EXOC6B: variants seen among roughly 807,000 people sequenced by gnomAD.
EXOC6B encodes the protein exocyst complex component 6B.
Under a neutral mutation model 113.5 loss-of-function variants are expected in EXOC6B, and 54 were observed. That is an observed-to-expected ratio of 0.48 (90% CI 0.38 to 0.60). The LOEUF is 0.60. EXOC6B is among the 20% of genes least tolerant of loss of function. The probability of loss-of-function intolerance (pLI) is 0.00; values close to 1 mark genes in which losing one functional copy is unlikely to be tolerated. For synonymous variants in EXOC6B, 357 were observed against 339.0 expected (o/e 1.05, Z -0.58); for missense variants, 797 against 977.5 (o/e 0.82, Z 2.46).
intron 17 of EXOC6B, among the ~76,000 whole-genome samples, chr2:72,477,657 T>C (rs549185478): frequency 6.6e-6 from 1 of 152,354 alleles, no homozygotes; most frequent in East Asian, 1.9e-4. Context: ...CAATGTACAG[T>C]ATTTATGATG....
At chr2:72,517,192 A>G (rs1701257705) in intron 8 of EXOC6B, among the ~76,000 whole-genome samples, 1 of 152,232 alleles carries the variant, frequency 6.6e-6, no homozygotes, top group Non-Finnish European at 1.5e-5. Flanking sequence ...TAAACAAGAC[A>G]TAAACAAGTA....
At chr2:72,480,161 A>C (rs1423705762) in intron 17 of EXOC6B, among the ~76,000 whole-genome samples, 1 of 151,816 alleles carries the variant, frequency 6.6e-6, no homozygotes, top group African/African-American at 2.4e-5. Flanking sequence ...CCAAGATTGC[A>C]CCACTGCACT....
At chr2:72,378,229 T>G (rs6731631) in intron 19 of EXOC6B, among the ~76,000 whole-genome samples, 1 of 152,042 alleles carries the variant, frequency 6.6e-6, no homozygotes, top group Non-Finnish European at 1.5e-5. Context: ...AGACTCAAGG[T>G]CTCTCCAGTG....
At chr2:72,430,139 C>T (rs1695434322) in intron 18 of EXOC6B, among the ~76,000 whole-genome samples, 1 of 152,286 alleles carries the variant, frequency 6.6e-6, no homozygotes, top group East Asian at 1.9e-4. Flanking sequence ...TCTGAGAAGA[C>T]TACATCTTTT....
At chr2:72,223,393 T>C (rs559330763) in intron 20 of EXOC6B, among the ~76,000 whole-genome samples, 31 of 152,228 alleles carry the variant, frequency 2.0e-4, no homozygotes, top group African/African-American at 7.0e-4. Context: ...TATGAAACCA[T>C]TTCAGGCTCT....
At chr2:72,720,413 A>G (rs1679917891) in intron 5 of EXOC6B, among the ~76,000 whole-genome samples, 1 of 152,140 alleles carries the variant, frequency 6.6e-6, no homozygotes, top group Non-Finnish European at 1.5e-5. Context: ...AGATACAAAT[A>G]GGTTGAAAGT....
At chr2:72,200,242 T>C (rs942429856) in intron 20 of EXOC6B, among the ~76,000 whole-genome samples, 2 of 152,228 alleles carry the variant, frequency 1.3e-5, no homozygotes, top group Non-Finnish European at 2.9e-5. Flanking sequence ...AGACCAGTAC[T>C]GTAGCCCTGG....
chr2:72,356,372 AC>A (rs999579598), intron 19 of EXOC6B, among the ~76,000 whole-genome samples: 9 of 152,106 alleles, frequency 5.9e-5, no homozygotes, highest in African/African-American at 2.2e-4. Flanking sequence ...TTCCTGTGAA[AC>A]CAACATTATC....
intron 6 of EXOC6B, among the ~76,000 whole-genome samples, chr2:72,631,455 TATATATAGAGAGAGAGAGAG>T (rs1317079583): frequency 2.0e-3 from 36 of 18,348 alleles, no homozygotes; most frequent in African/African-American, 5.2e-3. Flanking sequence ...TATATATATA[TATATATAGAGAGAGAGAGAG>T]AGAGAGAGAG....
At chr2:72,356,056 A>G (rs377175308) in intron 19 of EXOC6B, among the ~76,000 whole-genome samples, 173 of 152,346 alleles carry the variant, frequency 1.1e-3, no homozygotes, top group Non-Finnish European at 2.1e-3. Context: ...AAGGAAGTAC[A>G]TTTAAAATGT....
Position 72,527,246 on chromosome 2 carries a change from T to C in EXOC6B, c.916-12120A>G, listed in dbSNP as rs146398690. Among the ~76,000 whole-genome samples, 748 of 152,158 alleles carry C rather than the reference T, an allele frequency of 4.9e-3. 10 individuals are homozygous for C. Among genetic ancestry groups the C allele is most frequent in the African/African-American group, 0.017 (695 of 41,566 alleles). The stretch of plus-strand genomic sequence containing the variant: ...TGAGTTGCAAAAAATCCAGTTACAC[T>C]TTTTAAGTTATTTTAAAACATACAG... On this transcript the variant is annotated intron_variant, in intron 8 of 21. Coordinates refer to ENST00000272427, the MANE Select transcript of EXOC6B (RefSeq NM_015189.3).
At position 72,629,833 on chromosome 2, in the gene EXOC6B, C is replaced by A. The variant is rs975063299; in HGVS notation, c.670-54165G>T. On this transcript the variant is annotated intron_variant, in intron 6 of 21. Coordinates refer to ENST00000272427, the MANE Select transcript of EXOC6B (RefSeq NM_015189.3). ...CACTTTTGCCTTCAGGCTTTGTAAA[C>A]TCTGTCTTCTACCCACAACATGCCA... is the stretch of plus-strand genomic sequence containing the variant. Among the ~76,000 whole-genome samples, 100 of 152,158 alleles carry A rather than the reference C, an allele frequency of 6.6e-4. 1 individual carries two copies. Among genetic ancestry groups the A allele is most frequent in the Admixed American group, 4.6e-4 (7 of 15,268 alleles).
intron 8 of EXOC6B, among the ~76,000 whole-genome samples, chr2:72,537,989 T>G (rs1470486067): frequency 6.8e-6 from 1 of 146,084 alleles, no homozygotes; most frequent in Admixed American, 6.7e-5. Context: ...TTTTTTTTTT[T>G]GAGACAGGAG....
At chr2:72,724,212 G>C (rs1264999146) in intron 5 of EXOC6B, among the ~76,000 whole-genome samples, 1 of 151,858 alleles carries the variant, frequency 6.6e-6, no homozygotes, top group Non-Finnish European at 1.5e-5. Context: ...GGAAGGGAGA[G>C]AGTGGGAGAC....
At chr2:72,618,466 A>T (rs1209454203) in intron 6 of EXOC6B, among the ~76,000 whole-genome samples, 30 of 152,162 alleles carry the variant, frequency 2.0e-4, no homozygotes, top group Admixed American at 2.0e-3. Flanking sequence ...CATATTCCAA[A>T]ATAAGACCCA....
intron 7 of EXOC6B, among the ~76,000 whole-genome samples, chr2:72,573,415 C>A (rs1381955323): frequency 1.3e-5 from 2 of 152,298 alleles, no homozygotes; most frequent in East Asian, 3.9e-4. Context: ...GTGATGGAAT[C>A]TAATATCTGA....
chr2:72,719,780 A>G (rs1413863445), intron 5 of EXOC6B, among the ~76,000 whole-genome samples: 4 of 152,242 alleles, frequency 2.6e-5, no homozygotes, highest in Middle Eastern at 3.2e-3. Flanking sequence ...TACAAGAAAT[A>G]CTAAAGGAAG....
chr2:72,499,385 C>T (rs1700204624), intron 12 of EXOC6B, among the ~76,000 whole-genome samples: 1 of 151,788 alleles, frequency 6.6e-6, no homozygotes, highest in Non-Finnish European at 1.5e-5. Flanking sequence ...CACTTACCAC[C>T]ACATCCGGCT....
chr2:72,687,795 T>C (rs1677195438), intron 6 of EXOC6B, among the ~76,000 whole-genome samples: 1 of 152,170 alleles, frequency 6.6e-6, no homozygotes, highest in South Asian at 2.1e-4. Context: ...TTATATACTA[T>C]GTACAGTAAA....
Sources: allele counts gnomAD v4.1 joint callset (sites outside exome capture counted in the v4.1 genomes callset), GRCh38; gene constraint gnomAD v4.1.1; transcripts MANE v1.5; gene names NCBI Gene and HGNC (gene_info 2026-07-23, HGNC 2026-07-21).